The following QRFPR variants were observed in gnomAD, a reference collection of about 807,000 sequenced individuals.
The protein encoded by QRFPR is pyroglutamylated RFamide peptide receptor.
A neutral mutation model predicts 31.3 loss-of-function variants in QRFPR; 37 were observed. That is an observed-to-expected ratio of 1.18 (90% CI 0.91 to 1.56). The LOEUF (loss-of-function observed/expected upper bound fraction) is 1.56. Among genes scored for constraint, QRFPR ranks in the 40% most tolerant of loss-of-function variants. QRFPR has a pLI of 0.00. For synonymous variants in QRFPR, 197 were observed against 192.0 expected (o/e 1.03, Z -0.22); for missense variants, 542 against 532.5 (o/e 1.02, Z -0.18).
intron 1 of QRFPR, among the ~76,000 whole-genome samples, chr4:121,343,421 T>C (rs1270199725): frequency 2.0e-5 from 3 of 152,230 alleles, no homozygotes; most frequent in African/African-American, 7.2e-5. Flanking sequence ...CTCACTTCTA[T>C]TCCTTGTTAC....
At chr4:121,349,014 G>A (rs1360819413) in intron 1 of QRFPR, among the ~76,000 whole-genome samples, 2 of 152,092 alleles carry the variant, frequency 1.3e-5, no homozygotes, top group Admixed American at 6.5e-5. Flanking sequence ...GGAGAATGGC[G>A]TGAACCCGGG....
intron 1 of QRFPR, among the ~76,000 whole-genome samples, chr4:121,365,535 ATAT>A (rs1726086544): frequency 1.8e-4 from 1 of 5,644 alleles, no homozygotes; most frequent in Non-Finnish European, 2.7e-4. Context: ...ATTATATATA[ATAT>A]ATATTATATA....
intron 1 of QRFPR, among the ~76,000 whole-genome samples, chr4:121,377,760 G>A (rs1023901888): frequency 6.6e-6 from 1 of 152,118 alleles, no homozygotes; most frequent in African/African-American, 2.4e-5. Context: ...CTGAGGTCCT[G>A]AAGGGCACAG....
chr4:121,365,501 ATATATATAATATATAT>A, intron 1 of QRFPR, among the ~76,000 whole-genome samples: 1 of 3,424 alleles, frequency 2.9e-4, no homozygotes, highest in African/African-American at 1.1e-3. Context: ...TATATATATA[ATATATATAATATATAT>A]TATATATATT....
At chr4:121,365,568 T>A (rs1579587108) in intron 1 of QRFPR, among the ~76,000 whole-genome samples, 1 of 3,734 alleles carries the variant, frequency 2.7e-4, no homozygotes, top group Non-Finnish European at 4.8e-4. Flanking sequence ...ATATATATTA[T>A]ATATAATATA....
intron 1 of QRFPR, among the ~76,000 whole-genome samples, chr4:121,355,042 T>C (rs1725839171): frequency 6.6e-6 from 1 of 152,116 alleles, no homozygotes; most frequent in South Asian, 2.1e-4. Flanking sequence ...TTTTTCGTTG[T>C]GTCTTTGCCT....
chr4:121,349,597 C>T (rs1358849878), intron 1 of QRFPR, among the ~76,000 whole-genome samples: 1 of 152,108 alleles, frequency 6.6e-6, no homozygotes, highest in South Asian at 2.1e-4. Flanking sequence ...CACATACCCC[C>T]CATTTAATAT....
chr4:121,340,364 A>C (rs753735455), intron 2 of QRFPR, 88 bp downstream of exon 2: 1 of 1,392,458 alleles, frequency 7.2e-7, no homozygotes, highest in Non-Finnish European at 1.0e-6. Flanking sequence ...TTAGATAAGA[A>C]GCTACTCTTC....
At position 121,364,125 on chromosome 4, in the gene QRFPR, G is replaced by A. The variant is rs933970899; in HGVS notation, c.340+16183C>T. Among the ~76,000 whole-genome samples, 16 of 149,896 alleles carry A rather than the reference G, an allele frequency of 1.1e-4. 2 individuals carry two copies. The highest frequency in any genetic ancestry group is 3.7e-4 in the African/African-American group (15 of 40,424). On this transcript the variant is annotated intron_variant, in intron 1 of 5. Coordinates refer to ENST00000394427, the MANE Select transcript of QRFPR (RefSeq NM_198179.3). ...GGGAGCTTGAGGTCCTGCGTTACAA[G>A]GGCAGGAATCAGTAGGATGGCTCTG...
At chr4:121,344,317 C>T (rs17371804) in intron 1 of QRFPR, among the ~76,000 whole-genome samples, 27,459 of 152,192 alleles carry the variant, frequency 0.18, 2,782 homozygotes, top group Non-Finnish European at 0.24. Flanking sequence ...TTACTGTGCC[C>T]ATGCTATGTG....
At position 121,365,549 on chromosome 4, in the gene QRFPR, TA is replaced by T. The variant is rs1560743668; in HGVS notation, c.340+14758del. Among the ~76,000 whole-genome samples, 18 of 9,086 alleles carry T rather than the reference TA, an allele frequency of 2.0e-3. 1 individual carries two copies. Among genetic ancestry groups the T allele is most frequent in the African/African-American group, 6.3e-3 (10 of 1,588 alleles). 6.0% of individuals were successfully genotyped at this position (9,086 alleles called of 152,430 possible). A position where few individuals can be genotyped will look rare whatever the true frequency, so the allele number is the denominator to read the frequency against. On this transcript the variant is annotated intron_variant, in intron 1 of 5. Coordinates refer to ENST00000394427, the MANE Select transcript of QRFPR (RefSeq NM_198179.3). ...TATTATATATAATATATATTATATA[TA>T]ATATATAATATATATTATATATAAT...
chr4:121,348,581 T>C lies in QRFPR; in HGVS notation c.341-7971A>G, dbSNP rs191246062. Among the ~76,000 whole-genome samples the C allele has an allele frequency of 1.3e-3, 191 of 152,314 alleles. 1 individual carries two copies. The highest frequency in any genetic ancestry group is 4.4e-3 in the African/African-American group (182 of 41,578). On this transcript the variant is annotated intron_variant, in intron 1 of 5. Transcript: ENST00000394427. ...TAATTTCATGGCTTCTCATTTCTTGTATTTTACCTATATTTTGCATAATAT... is the reference window on the plus strand; with the variant it reads ...TAATTTCATGGCTTCTCATTTCTTGCATTTTACCTATATTTTGCATAATAT...
intron 1 of QRFPR, among the ~76,000 whole-genome samples, chr4:121,379,619 T>C (rs1025960225): frequency 7.9e-5 from 12 of 152,236 alleles, no homozygotes; most frequent in Non-Finnish European, 1.5e-4. Context: ...CTCTGTCATT[T>C]TTTTTCCCCC....
intron 3 of QRFPR, chr4:121,334,357 C>T (rs1725394212): frequency 6.5e-6 from 1 of 154,658 alleles, no homozygotes; most frequent in East Asian, 1.9e-4. Context: ...ATACACTTCT[C>T]TAAAATTCCA....
intron 1 of QRFPR, among the ~76,000 whole-genome samples, chr4:121,345,938 G>T (rs570837559): frequency 1.3e-5 from 2 of 152,290 alleles, no homozygotes; most frequent in East Asian, 3.9e-4. Context: ...GGATCTGAAT[G>T]GAAAGGACAG....
intron 1 of QRFPR, chr4:121,369,926 T>C: frequency 1.3e-6 from 1 of 771,966 alleles, no homozygotes; most frequent in Non-Finnish European, 2.4e-6. Context: ...CTTGGTCTTC[T>C]GAGTGGTGAC....
rs58311512 is a variant in QRFPR, at chr4:121,340,108, CAAAAAAAAA to C, written c.499+335_499+343del. The C allele has an allele frequency of 3.1e-4, 41 of 131,932 alleles. No homozygotes were observed. In the South Asian group the frequency reaches 6.5e-3, roughly 21 times the overall value. The allele number at this position is 131,932 out of a possible 1,614,324, so 8.2% of individuals were successfully genotyped here. A position where few individuals can be genotyped will look rare whatever the true frequency, so the allele number is the denominator to read the frequency against. ...GGGCAATGTAGTTGACACTCTGTCT[CAAAAAAAAA>C]AAAAAAAAAAAAAAAGATAGTTCTC... On this transcript the variant is annotated intron_variant, in intron 2 of 5. Transcript: ENST00000394427.
chr4:121,334,358 T>G (rs1340614833), intron 3 of QRFPR: 2 of 154,782 alleles, frequency 1.3e-5, no homozygotes, highest in Non-Finnish European at 2.9e-5. Flanking sequence ...TACACTTCTC[T>G]AAAATTCCAC....
intron 1 of QRFPR, among the ~76,000 whole-genome samples, chr4:121,342,495 AATC>A (rs1441971240): frequency 6.6e-6 from 1 of 152,074 alleles, no homozygotes; most frequent in Non-Finnish European, 1.5e-5. Flanking sequence ...CTACTCTAAC[AATC>A]ATATTTGTAA....
Sources: allele counts gnomAD v4.1 joint callset (sites outside exome capture counted in the v4.1 genomes callset), GRCh38; gene constraint gnomAD v4.1.1; transcripts MANE v1.5; gene names NCBI Gene and HGNC (gene_info 2026-07-23, HGNC 2026-07-21).